The following DDR1 variants were observed in gnomAD, a reference collection of about 807,000 sequenced individuals.
DDR1 encodes the protein epithelial discoidin domain-containing receptor 1.
In DDR1, 64 loss-of-function variants were observed where a neutral mutation model predicts 97.4. The ratio of observed to expected loss-of-function variants is 0.66; its 90% CI spans 0.54 to 0.81. The LOEUF (loss-of-function observed/expected upper bound fraction) is 0.81. DDR1 is among the 30% of genes least tolerant of loss of function. The pLI is 0.00. For synonymous variants in DDR1, 458 were observed against 503.7 expected (o/e 0.91, Z 1.21); for missense variants, 990 against 1,259.6 (o/e 0.79, Z 3.24).
At position 30,894,607 on chromosome 6, in the gene DDR1, G is replaced by C. The variant is rs747269285; in HGVS notation, c.1449G>C (p.Pro483=). 2 of 1,612,984 alleles carry C rather than the reference G, an allele frequency of 1.2e-6. No homozygotes were observed. The change falls in exon 11 of 18, where the codon CCG becomes CCC. Residue 483 remains proline (P), a synonymous_variant. Coordinates refer to ENST00000376568, the MANE Select transcript of DDR1 (RefSeq NM_001297654.2). The surrounding 1 kb of genome is among the most constrained non-coding windows in gnomAD (Gnocchi z 5.7). ...NNRPGPREPP[P]YQEPRPRGNP... ...GCCCAGGTCCTAGAGAGCCACCCCC[G>C]TACCAGGAGCCCCGGCCTCGTGGGA...
Position 30,897,737 on chromosome 6 carries a change from A to T in DDR1, c.2216+140A>T. The T allele has an allele frequency of 1.4e-6, 1 of 707,502 alleles. No individual in the cohort carries two copies. Among genetic ancestry groups the T allele is most frequent in the South Asian group, 1.9e-5 (1 of 53,656 alleles). 43.8% of individuals were successfully genotyped at this position (707,502 alleles called of 1,614,324 possible). ...GTTCCAGGAGGGCCTGGGATAAGGAATGTGTGACAAGTTAACCCAGGAACA... is the reference window on the plus strand; with the variant it reads ...GTTCCAGGAGGGCCTGGGATAAGGATTGTGTGACAAGTTAACCCAGGAACA... On this transcript the variant is annotated intron_variant, in intron 15 of 17. Transcript: ENST00000376568. This position sits in a 1 kb window ranked among gnomAD's most constrained non-coding sequence, Gnocchi z 5.2.
Position 30,892,438 on chromosome 6 carries a change from G to T in DDR1, c.995G>T (p.Arg332Leu). The T allele has an allele frequency of 6.2e-7, 1 of 1,607,834 alleles. No homozygotes were observed. The highest frequency in any genetic ancestry group is 8.5e-7 in the Non-Finnish European group (1 of 1,179,488). ...LGGNLGDPRA[R>L]AVSVPLGGRV... is the part of the protein sequence containing the mutation. The stretch of plus-strand genomic sequence containing the variant: ...GGCAACCTGGGGGACCCCAGAGCCC[G>T]GGCTGTCTCAGTGCCCCTTGGCGGC... The change falls in exon 8 of 18, where the codon CGG becomes CTG. Residue 332 changes from arginine to leucine, a missense_variant. Arg to Leu is a moderately radical substitution (Grantham distance 102, BLOSUM62 -2). Transcript: ENST00000376568.
Position 30,894,480 on chromosome 6 carries a change from G to A in DDR1, c.1348-26G>A, listed in dbSNP as rs775092038. 2.5e-6 allele frequency: 4 copies of A among 1,587,240 alleles called. No individual in the cohort carries two copies. Among genetic ancestry groups the A allele is most frequent in the Non-Finnish European group, 2.6e-6 (3 of 1,164,654 alleles). On this transcript the variant is annotated intron_variant, in intron 10 of 17. Coordinates refer to ENST00000376568, the MANE Select transcript of DDR1 (RefSeq NM_001297654.2). This position sits in a 1 kb window ranked among gnomAD's most constrained non-coding sequence, Gnocchi z 5.7. ...AGGCCGTGTGTGCTGAGCAACACGG[G>A]TGATGCCTCCCATCCCTATGACAAG...
In DDR1 at chr6:30,898,232, T is replaced by C; in HGVS notation, c.2376T>C (p.Tyr792=). The part of the protein sequence containing the change: ...IADFGMSRNL[Y]AGDYYRVQGR... Reference sequence around the variant, plus strand: ...ACTTTGGCATGAGCCGGAACCTCTATGCTGGGGACTATTACCGTGTGCAGG... The same window carrying C: ...ACTTTGGCATGAGCCGGAACCTCTACGCTGGGGACTATTACCGTGTGCAGG... The change falls in exon 16 of 18, where the codon TAT becomes TAC. Residue 792 remains tyrosine, a synonymous_variant. Coordinates refer to ENST00000376568, the MANE Select transcript of DDR1 (RefSeq NM_001297654.2). The C allele has an allele frequency of 6.2e-7, 1 of 1,614,234 alleles. No individual in the cohort carries two copies. The highest frequency in any genetic ancestry group is 8.5e-7 in the Non-Finnish European group (1 of 1,180,034).
In DDR1 at chr6:30,888,560, C is replaced by A; in HGVS notation, c.-42-128C>A. 1 of 1,057,410 alleles carries A rather than the reference C, an allele frequency of 9.5e-7. No individual in the cohort carries two copies. Among genetic ancestry groups the A allele is most frequent in the Non-Finnish European group, 1.3e-6 (1 of 743,820 alleles). The allele number at this position is 1,057,410 out of a possible 1,614,324, so 65.5% of individuals were successfully genotyped here. A position where few individuals can be genotyped will look rare whatever the true frequency, so the allele number is the denominator to read the frequency against. On this transcript the variant is annotated intron_variant, in intron 1 of 17. Coordinates refer to ENST00000376568, the MANE Select transcript of DDR1 (RefSeq NM_001297654.2). The surrounding 1 kb of genome is among the most constrained non-coding windows in gnomAD (Gnocchi z 4.2). ...AAGCATTCTAAAAATATAGCTGATG[C>A]TGTTAAACAATGACTGTTGTTGTTG...
upstream of DDR1, among the ~76,000 whole-genome samples, chr6:30,882,171 C>T (rs1784411719): frequency 6.6e-6 from 1 of 152,224 alleles, no homozygotes; most frequent in Non-Finnish European, 1.5e-5. This position sits in a 1 kb window ranked among gnomAD's most constrained non-coding sequence, Gnocchi z 4.8. Context: ...GCTCGCTGGT[C>T]GTGCTGGGCT....
At position 30,889,431 on chromosome 6, in the gene DDR1, G is replaced by T; in HGVS notation, c.417+1G>T. 1 of 1,524,280 alleles carries T rather than the reference G, an allele frequency of 6.6e-7. No homozygotes were observed. 94.4% of individuals were successfully genotyped at this position (1,524,280 alleles called of 1,614,324 possible). Reference sequence around the variant, plus strand: ...CTGGAAGGACCGCTGGGGTCAGGAGGTGAGACTGGCAGGGGCAGCACCCAG... The same window carrying T: ...CTGGAAGGACCGCTGGGGTCAGGAGTTGAGACTGGCAGGGGCAGCACCCAG... On this transcript the variant is annotated splice_donor_variant, in intron 4 of 17. Transcript: ENST00000376568. LOFTEE classifies it high-confidence loss of function. The surrounding 1 kb of genome is among the most constrained non-coding windows in gnomAD (Gnocchi z 4.9).
chr6:30,897,225 C>T lies in DDR1; in HGVS notation c.1997+84C>T. ...CATCTAGAGAGAACAATGGCAGAGCCCAACAGAGGGGTGGCATCTCTGGGA... is the reference window on the plus strand; with the variant it reads ...CATCTAGAGAGAACAATGGCAGAGCTCAACAGAGGGGTGGCATCTCTGGGA... On this transcript the variant is annotated intron_variant, in intron 14 of 17. Transcript: ENST00000376568. This position sits in a 1 kb window ranked among gnomAD's most constrained non-coding sequence, Gnocchi z 5.2. 1 of 1,567,880 alleles carries T rather than the reference C, an allele frequency of 6.4e-7. No individual in the cohort carries two copies. Among genetic ancestry groups the T allele is most frequent in the Non-Finnish European group, 8.6e-7 (1 of 1,157,924 alleles).
chr6:30,892,486 G>T lies in DDR1; in HGVS notation c.1043G>T (p.Cys348Phe). ...LGGRVARFLQ[C>F]RFLFAGPWLL... ...GGCCGTGTGGCTCGCTTTCTGCAGT[G>T]CCGCTTCCTCTTTGCGGGGCCCTGG... is the stretch of plus-strand genomic sequence containing the variant. The change falls in exon 8 of 18, where the codon TGC becomes TTC. Residue 348 changes from cysteine (C) to phenylalanine (F), a missense_variant. Transcript: ENST00000376568. 1 of 1,610,594 alleles carries T rather than the reference G, an allele frequency of 6.2e-7. No individual in the cohort carries two copies. Among genetic ancestry groups the T allele is most frequent in the Non-Finnish European group, 8.5e-7 (1 of 1,179,182 alleles).
chr6:30,883,152 C>T (rs572858014), upstream of DDR1: 2 of 152,434 alleles, frequency 1.3e-5, no homozygotes, highest in African/African-American at 4.8e-5. This position sits in a 1 kb window ranked among gnomAD's most constrained non-coding sequence, Gnocchi z 4.9. Context: ...TTCCCAAGGG[C>T]CAGCTTCTTC....
At position 30,894,567 on chromosome 6, in the gene DDR1, T is replaced by G; in HGVS notation, c.1409T>G (p.Ile470Ser). 6.2e-7 allele frequency: 1 copy of G among 1,613,430 alleles called. No homozygotes were observed. Among genetic ancestry groups the G allele is most frequent in the East Asian group, 2.2e-5 (1 of 44,860 alleles). ...CACCTCTCTGTCCCTGGGGACACTA[T>G]CCTCATCAACAACCGCCCAGGTCCT... ...TVHLSVPGDT[I>S]LINNRPGPRE... The change falls in exon 11 of 18, where the codon ATC becomes AGC. Residue 470 changes from isoleucine (I) to serine (S), a missense_variant. Ile to Ser is a moderately radical substitution (Grantham distance 142). Coordinates refer to ENST00000376568, the MANE Select transcript of DDR1 (RefSeq NM_001297654.2). The surrounding 1 kb of genome is among the most constrained non-coding windows in gnomAD (Gnocchi z 5.7).
chr6:30,882,313 G>C (rs1218673036), upstream of DDR1, among the ~76,000 whole-genome samples: 1 of 152,236 alleles, frequency 6.6e-6, no homozygotes, highest in Non-Finnish European at 1.5e-5. The surrounding 1 kb of genome is among the most constrained non-coding windows in gnomAD (Gnocchi z 4.8). Flanking sequence ...GGCTTGAAGG[G>C]GAGGGAAGCC....
At chr6:30,887,373 C>G (rs1013875295) in intron 1 of DDR1, among the ~76,000 whole-genome samples, 7 of 152,114 alleles carry the variant, frequency 4.6e-5, no homozygotes, top group Admixed American at 2.0e-4. Context: ...GTACAATCAA[C>G]CTGTCTTTTT....
At chr6:30,885,816 G>A (rs1306111381) in intron 1 of DDR1, 4 of 1,289,752 alleles carry the variant, frequency 3.1e-6, no homozygotes, top group African/African-American at 1.5e-5. Context: ...AGTTCAGTAA[G>A]TTTGTGTGTT....
At chr6:30,896,436 C>G (rs369711300) in intron 12 of DDR1, among the ~76,000 whole-genome samples, 185 bp from the exon 13 acceptor site, 1 of 152,120 alleles carries the variant, frequency 6.6e-6, no homozygotes, top group Non-Finnish European at 1.5e-5. Context: ...AGCTAACTCT[C>G]GTCCCATGCC....
At chr6:30,893,637 G>A (rs149168077) in intron 10 of DDR1, among the ~76,000 whole-genome samples, 7 of 152,360 alleles carry the variant, frequency 4.6e-5, no homozygotes, top group Non-Finnish European at 8.8e-5. Context: ...CAAATACCAC[G>A]ACCCAGAGGA....
chr6:30,895,455 G>A lies in DDR1; in HGVS notation c.1565G>A (p.Arg522His), dbSNP rs145280414. The stretch of plus-strand genomic sequence containing the variant: ...CGCCTCCTTCTGGCCACTTACGCCC[G>A]TCCCCCTCGAGGCCCGGGCCCCCCC... The part of the protein sequence containing the change: ...AYRLLLATYA[R>H]PPRGPGPPTP... Residue 522 changes from arginine to histidine, a missense_variant, in exon 12 of 18, where the codon CGT (arginine) becomes CAT (histidine). Arg to His is a conservative substitution (Grantham distance 29). Coordinates refer to ENST00000376568, the MANE Select transcript of DDR1 (RefSeq NM_001297654.2). 54 of 1,608,132 alleles carry A rather than the reference G, an allele frequency of 3.4e-5. No individual in the cohort carries two copies. Among genetic ancestry groups the A allele is most frequent in the Non-Finnish European group, 4.1e-5 (48 of 1,178,824 alleles).
intron 1 of DDR1, chr6:30,885,058 AC>A (rs2150226655): frequency 1.4e-6 from 1 of 709,734 alleles, no homozygotes; most frequent in Non-Finnish European, 2.3e-6. Flanking sequence ...CCTGCCCTCC[AC>A]CTGGCCAGTC....
chr6:30,885,200 A>G lies in DDR1; in HGVS notation c.-43+490A>G, dbSNP rs760737651. 2.0e-4 allele frequency: 300 copies of G among 1,532,790 alleles called. 1 individual carries two copies. The highest frequency in any genetic ancestry group is 2.5e-4 in the Non-Finnish European group (283 of 1,144,578). The allele number at this position is 1,532,790 out of a possible 1,614,324, so 94.9% of individuals were successfully genotyped here. Reference sequence around the variant, plus strand: ...ACCACTCTTCCCGGCTGGATGGTCAATTAGCTCTGGCATGAGAGAATGTCA... The same window carrying G: ...ACCACTCTTCCCGGCTGGATGGTCAGTTAGCTCTGGCATGAGAGAATGTCA... On this transcript the variant is annotated intron_variant, in intron 1 of 17. Transcript: ENST00000376568.
Sources: allele counts gnomAD v4.1 joint callset (sites outside exome capture counted in the v4.1 genomes callset), GRCh38; gene constraint gnomAD v4.1.1; non-coding constraint Gnocchi (gnomAD v3.1); transcripts MANE v1.5; gene names NCBI Gene and HGNC (gene_info 2026-07-23, HGNC 2026-07-21).